ITGBL1: variants seen among roughly 807,000 people sequenced by gnomAD.
ITGBL1 encodes integrin beta-like protein 1.
A neutral mutation model predicts 68.5 loss-of-function variants in ITGBL1; 51 were observed. The ratio of observed to expected loss-of-function variants is 0.74; its 90% CI spans 0.59 to 0.94. The LOEUF is 0.94. Ranked by LOEUF, ITGBL1 falls within the 40% of genes least tolerant of loss-of-function variation. The pLI is 0.00. For missense variants in ITGBL1, 649 were observed against 647.4 expected (o/e 1.00, Z -0.03); for synonymous variants, 209 against 227.3 (o/e 0.92, Z 0.72).
intron 2 of ITGBL1, among the ~76,000 whole-genome samples, chr13:101,533,903 GTTAAA>G (rs1479109126): frequency 6.6e-6 from 1 of 152,128 alleles, no homozygotes; most frequent in Non-Finnish European, 1.5e-5. Context: ...CATTAATAAT[GTTAAA>G]TTAGTAAAGT....
rs540578367 is a variant in ITGBL1 at position 101,628,675 on chromosome 13, C to T, written c.1015+30376C>T. Among the ~76,000 whole-genome samples, 192 of 150,596 alleles carry T rather than the reference C, an allele frequency of 1.3e-3. 1 individual carries two copies. The highest frequency in any genetic ancestry group is 2.1e-3 in the Admixed American group (32 of 15,066). On this transcript the variant is annotated intron_variant, in intron 7 of 10. Transcript: ENST00000376180. Reference sequence around the variant, plus strand: ...CAGGATGGTCTTGATCTCTTGACCTCGTGATCCACCCACCTTGGCCTCCCA... The same window carrying T: ...CAGGATGGTCTTGATCTCTTGACCTTGTGATCCACCCACCTTGGCCTCCCA...
chr13:101,706,670 T>C (rs2034270527), intron 8 of ITGBL1, 86 bp from the exon 9 acceptor site: 3 of 1,329,498 alleles, frequency 2.3e-6, no homozygotes, highest in South Asian at 2.8e-5. Context: ...TGAGATCCTA[T>C]GGTTTACACA....
intron 7 of ITGBL1, among the ~76,000 whole-genome samples, chr13:101,642,620 A>G (rs2032420542): frequency 6.6e-6 from 1 of 151,880 alleles, no homozygotes; most frequent in African/African-American, 2.4e-5. Flanking sequence ...TTGGTGTTTT[A>G]GACATGAAGT....
chr13:101,472,532 A>G (rs557630799), intron 2 of ITGBL1, among the ~76,000 whole-genome samples: 1 of 152,192 alleles, frequency 6.6e-6, no homozygotes, highest in Non-Finnish European at 1.5e-5. Context: ...CAGTCAACAT[A>G]TTATTATTCA....
chr13:101,652,153 C>A (rs993168293), intron 7 of ITGBL1, among the ~76,000 whole-genome samples: 1 of 151,998 alleles, frequency 6.6e-6, no homozygotes, highest in African/African-American at 2.4e-5. Context: ...TACACTTTAT[C>A]TTAGCCAAAA....
intron 9 of ITGBL1, among the ~76,000 whole-genome samples, chr13:101,708,062 C>T (rs726784): frequency 0.66 from 97,157 of 147,998 alleles, 31,852 homozygotes; most frequent in Non-Finnish European, 0.67. Context: ...CACACACACA[C>T]ACACACATAC....
chr13:101,622,911 A>ATGTGTGTGTG (rs756971096), intron 7 of ITGBL1, among the ~76,000 whole-genome samples: 1,789 of 115,020 alleles, frequency 0.016, 10 homozygotes, highest in South Asian at 0.029. Flanking sequence ...TGTGTGGGGT[A>ATGTGTGTGTG]TGTATGTGTG....
chr13:101,696,068 T>A (rs2033994897), intron 8 of ITGBL1, among the ~76,000 whole-genome samples: 1 of 152,126 alleles, frequency 6.6e-6, no homozygotes, highest in Admixed American at 6.5e-5. Context: ...ATCTGTGCAG[T>A]GTGGATCTCA....
intron 2 of ITGBL1, among the ~76,000 whole-genome samples, chr13:101,466,219 T>C (rs1037002014): frequency 6.6e-6 from 1 of 152,222 alleles, no homozygotes; most frequent in Non-Finnish European, 1.5e-5. Flanking sequence ...CAAGGAATAT[T>C]AGTAATAGTA....
chr13:101,652,851 A>G (rs2032793798), intron 7 of ITGBL1, among the ~76,000 whole-genome samples: 1 of 152,096 alleles, frequency 6.6e-6, no homozygotes, highest in African/African-American at 2.4e-5. Context: ...TAATCCCAGC[A>G]CTTTGGGAGG....
At chr13:101,703,983 G>A (rs2139580507) in intron 8 of ITGBL1, among the ~76,000 whole-genome samples, 1 of 152,254 alleles carries the variant, frequency 6.6e-6, no homozygotes, top group Admixed American at 6.5e-5. Flanking sequence ...CTGAGTGCAG[G>A]ACTACTCTCT....
intron 2 of ITGBL1, among the ~76,000 whole-genome samples, chr13:101,534,876 G>A (rs909037231): frequency 6.6e-6 from 1 of 152,098 alleles, no homozygotes. Context: ...GTGGAGAGGA[G>A]AGATTGTGAA....
At chr13:101,540,801 A>G (rs1207337326) in intron 2 of ITGBL1, among the ~76,000 whole-genome samples, 1 of 150,794 alleles carries the variant, frequency 6.6e-6, no homozygotes, top group East Asian at 1.9e-4. Context: ...TAGGTATTTT[A>G]TTCTCTTTGA....
chr13:101,664,906 G>C (rs957273582), intron 7 of ITGBL1, among the ~76,000 whole-genome samples: 1 of 152,110 alleles, frequency 6.6e-6, no homozygotes, highest in Non-Finnish European at 1.5e-5. Flanking sequence ...GCTGATTTTT[G>C]TATTTTTAGT....
chr13:101,561,985 G>A (rs1188912469), intron 2 of ITGBL1, among the ~76,000 whole-genome samples: 3 of 152,096 alleles, frequency 2.0e-5, no homozygotes, highest in Non-Finnish European at 4.4e-5. Flanking sequence ...AAAATTAATG[G>A]CAGTAGATTG....
At chr13:101,598,359 T>C (rs2030119610) in intron 7 of ITGBL1, 60 bp downstream of exon 7, 3 of 1,267,326 alleles carry the variant, frequency 2.4e-6, no homozygotes, top group South Asian at 2.2e-5. Flanking sequence ...ATGAATTCAA[T>C]GCACACACAT....
intron 2 of ITGBL1, among the ~76,000 whole-genome samples, chr13:101,539,329 T>A (rs976342814): frequency 1.3e-5 from 2 of 151,932 alleles, no homozygotes; most frequent in African/African-American, 4.8e-5. Context: ...TGTGATAGCT[T>A]GCTGAGAATG....
chr13:101,565,890 A>T (rs748833147), intron 2 of ITGBL1, among the ~76,000 whole-genome samples: 34 of 151,996 alleles, frequency 2.2e-4, no homozygotes, highest in Non-Finnish European at 4.9e-4. Flanking sequence ...GAAGGGATGG[A>T]TCTCTCCCTA....
chr13:101,674,692 T>A (rs1477051654), intron 7 of ITGBL1, among the ~76,000 whole-genome samples: 3 of 152,018 alleles, frequency 2.0e-5, no homozygotes. Flanking sequence ...CTTATATAAA[T>A]TTTTTTGTAT....
Sources: gnomAD v4.1 joint callset for allele counts (sites outside exome capture counted in the v4.1 genomes callset) on GRCh38, gnomAD v4.1.1 for gene constraint, MANE v1.5 for transcripts, NCBI Gene and HGNC (gene_info 2026-07-23, HGNC 2026-07-21) for gene names.